Variants in RRP15 observed in about 807,000 individuals in gnomAD.
The protein encoded by RRP15 is RRP15-like protein.
Under a neutral mutation model 27.1 loss-of-function variants are expected in RRP15, and 18 were observed. That is an observed-to-expected ratio of 0.66 (90% confidence interval 0.46 to 0.98). RRP15 has a LOEUF of 0.98. RRP15 is among the 50% of genes least tolerant of loss of function. The pLI is 0.00. For missense variants in RRP15, 359 were observed against 337.8 expected (o/e 1.06, Z -0.49); for synonymous variants, 107 against 109.4 (o/e 0.98, Z 0.14).
intron 4 of RRP15, among the ~76,000 whole-genome samples, chr1:218,309,147 A>G (rs1655949310): frequency 6.6e-6 from 1 of 152,198 alleles, no homozygotes; most frequent in Non-Finnish European, 1.5e-5. Context: ...AGTCTGGGAC[A>G]AGGTCAAAAA....
intron 1 of RRP15, among the ~76,000 whole-genome samples, chr1:218,286,977 AG>A (rs1412197420): frequency 6.6e-6 from 1 of 152,098 alleles, no homozygotes; most frequent in Non-Finnish European, 1.5e-5. Flanking sequence ...TTTTTGAGAC[AG>A]GGTCTTGCTT....
chr1:218,295,033 A>G (rs76929225), intron 1 of RRP15, among the ~76,000 whole-genome samples: 5,025 of 152,266 alleles, frequency 0.033, 264 homozygotes, highest in African/African-American at 0.11. Flanking sequence ...GAACTACTCA[A>G]ATTTATTGAC....
chr1:218,334,940 C>T lies in RRP15; in HGVS notation c.*3849C>T, dbSNP rs1213844104. On this transcript the variant is annotated 3_prime_UTR_variant, in exon 5 of 5. Coordinates refer to ENST00000366932, the MANE Select transcript of RRP15 (RefSeq NM_016052.4). ...AGTCCTGGTAAATTTTTTCAGTGGG[C>T]GAGCTTTTCTGAAATTTGATTAAAC... 6 of 152,026 alleles carry T rather than the reference C, an allele frequency of 3.9e-5. No individual in the cohort carries two copies. Among genetic ancestry groups the T allele is most frequent in the Non-Finnish European group, 8.8e-5 (6 of 68,004 alleles). 9.4% of individuals were successfully genotyped at this position (152,026 alleles called of 1,614,324 possible). A position where few individuals can be genotyped will look rare whatever the true frequency, so the allele number is the denominator to read the frequency against.
intron 4 of RRP15, among the ~76,000 whole-genome samples, chr1:218,319,751 G>A (rs1347433167): frequency 6.6e-6 from 1 of 152,082 alleles, no homozygotes; most frequent in Non-Finnish European, 1.5e-5. Context: ...TTTTACATAT[G>A]TTTTCTTATG....
rs34150523 is a variant in RRP15, at chr1:218,331,651, C to CTTTTTTTTTTTT, written c.*588_*599dup. On this transcript the variant is annotated 3_prime_UTR_variant, in exon 5 of 5. Coordinates refer to ENST00000366932, the MANE Select transcript of RRP15 (RefSeq NM_016052.4). ...TGATTTAAGAAACAACAGATTTCAA[C>CTTTTTTTTTTTT]TTTTTTTTTTTTTTTTTTTTTTTTT... 3.4e-4 allele frequency: 12 copies of CTTTTTTTTTTTT among 35,648 alleles called. 4 individuals carry two copies. The highest frequency in any genetic ancestry group is 6.3e-4 in the Non-Finnish European group (11 of 17,534). 2.2% of individuals were successfully genotyped at this position (35,648 alleles called of 1,614,324 possible). A position where few individuals can be genotyped will look rare whatever the true frequency, so the allele number is the denominator to read the frequency against.
chr1:218,305,086 A>G lies in RRP15; in HGVS notation c.464A>G (p.Asp155Gly). 5 of 1,613,964 alleles carry G rather than the reference A, an allele frequency of 3.1e-6. No individual in the cohort carries two copies. Among genetic ancestry groups the G allele is most frequent in the Non-Finnish European group, 3.4e-6 (4 of 1,179,858 alleles). Residue 155 changes from aspartate to glycine, a missense_variant, in exon 3 of 5, where the codon GAC (aspartate) becomes GGC (glycine). Coordinates refer to ENST00000366932, the MANE Select transcript of RRP15 (RefSeq NM_016052.4). ...AGAGTAAAGCCAGATGTTGTCCAAG[A>G]CAAAGAGACAGAGAGAAATCTTCAG... The part of the protein sequence containing the change: ...MCRVKPDVVQ[D>G]KETERNLQRI...
intron 4 of RRP15, among the ~76,000 whole-genome samples, chr1:218,323,656 C>T (rs554277183): frequency 1.6e-4 from 24 of 152,290 alleles, no homozygotes; most frequent in African/African-American, 5.1e-4. Flanking sequence ...CTCATGGCGC[C>T]CAGACTGTTC....
chr1:218,301,508 A>G (rs1655810567), intron 1 of RRP15: 1 of 152,226 alleles, frequency 6.6e-6, no homozygotes, highest in Admixed American at 6.5e-5. Flanking sequence ...GTTTCTGCTA[A>G]TCTTCCTCAT....
chr1:218,302,610 C>G, intron 2 of RRP15, 51 bp downstream of exon 2: 1 of 1,569,452 alleles, frequency 6.4e-7, no homozygotes, highest in East Asian at 2.2e-5. Flanking sequence ...TAGGCTAGCT[C>G]TTATCTTGAC....
In RRP15 at chr1:218,333,256, T is replaced by G. The variant is rs573387972; in HGVS notation, c.*2165T>G. On this transcript the variant is annotated 3_prime_UTR_variant, in exon 5 of 5. Coordinates refer to ENST00000366932, the MANE Select transcript of RRP15 (RefSeq NM_016052.4). ...AAATTATATGACAATTTTTATCATATAGATTTGATATCTTCTATGTATTCG... is the reference window on the plus strand; with the variant it reads ...AAATTATATGACAATTTTTATCATAGAGATTTGATATCTTCTATGTATTCG... 1 of 152,228 alleles carries G rather than the reference T, an allele frequency of 6.6e-6. No individual in the cohort carries two copies. The allele number at this position is 152,228 out of a possible 1,614,324, so 9.4% of individuals were successfully genotyped here. A position where few individuals can be genotyped will look rare whatever the true frequency, so the allele number is the denominator to read the frequency against.
chr1:218,319,219 G>A (rs1656139885), intron 4 of RRP15, among the ~76,000 whole-genome samples: 1 of 151,628 alleles, frequency 6.6e-6, no homozygotes, highest in African/African-American at 2.4e-5. Context: ...CGCCCGCCAC[G>A]ACGCTTAGCT....
chr1:218,330,072 T>C (rs1048548731), intron 4 of RRP15, among the ~76,000 whole-genome samples: 6 of 152,144 alleles, frequency 3.9e-5, no homozygotes, highest in African/African-American at 1.4e-4. Context: ...TAAATAGATA[T>C]GCATAGACTG....
At position 218,302,490 on chromosome 1, in the gene RRP15, G is replaced by A. The variant is rs1269025058; in HGVS notation, c.336G>A (p.Leu112=). The change falls in exon 2 of 5, where the codon CTG becomes CTA. Residue 112 remains leucine (L), a synonymous_variant. Transcript: ENST00000366932. ...KKTPESKPTI[L]VKNKKLEKEK... is the part of the protein sequence containing the mutation. Reference sequence around the variant, plus strand: ...CTCCTGAAAGTAAACCTACTATTCTGGTCAAAAATAAGAAGCTGGAAAAGG... The same window carrying A: ...CTCCTGAAAGTAAACCTACTATTCTAGTCAAAAATAAGAAGCTGGAAAAGG... 6.2e-7 allele frequency: 1 copy of A among 1,613,850 alleles called. No homozygotes were observed. Among genetic ancestry groups the A allele is most frequent in the Non-Finnish European group, 8.5e-7 (1 of 1,179,964 alleles).
At chr1:218,305,371 A>T (rs977532750) in intron 3 of RRP15, among the ~76,000 whole-genome samples, 2 of 152,212 alleles carry the variant, frequency 1.3e-5, no homozygotes, top group African/African-American at 4.8e-5. Context: ...AGTCACGAGA[A>T]CTGTGTAATC....
intron 4 of RRP15, among the ~76,000 whole-genome samples, chr1:218,320,062 A>G (rs1047664819): frequency 1.4e-5 from 1 of 73,746 alleles, no homozygotes; most frequent in Non-Finnish European, 3.0e-5. Context: ...TTTTTCTTTT[A>G]TTTTATTATT....
intron 4 of RRP15, among the ~76,000 whole-genome samples, chr1:218,326,475 CTT>C (rs1656275442): frequency 6.6e-6 from 1 of 151,916 alleles, no homozygotes; most frequent in Non-Finnish European, 1.5e-5. Context: ...GCATTGTTCT[CTT>C]CTTTCTGATA....
At position 218,296,793 on chromosome 1, in the gene RRP15, T is replaced by C. The variant is rs530674207; in HGVS notation, c.140-5501T>C. Among the ~76,000 whole-genome samples the C allele has an allele frequency of 9.8e-5, 15 of 152,310 alleles. No individual in the cohort carries two copies. In the South Asian group the frequency reaches 3.1e-3, roughly 32 times the overall value. Reference sequence around the variant, plus strand: ...TTGGAAAGGTTGTAGCACAGAGACATTGGCCACTCTTGAAATAAGCAAAAG... The same window carrying C: ...TTGGAAAGGTTGTAGCACAGAGACACTGGCCACTCTTGAAATAAGCAAAAG... On this transcript the variant is annotated intron_variant, in intron 1 of 4. Coordinates refer to ENST00000366932, the MANE Select transcript of RRP15 (RefSeq NM_016052.4).
At chr1:218,298,825 A>G (rs1655762993) in intron 1 of RRP15, among the ~76,000 whole-genome samples, 1 of 152,200 alleles carries the variant, frequency 6.6e-6, no homozygotes, top group Non-Finnish European at 1.5e-5. Context: ...GAGCAGCTTT[A>G]ATAGAGAACA....
intron 1 of RRP15, chr1:218,301,184 T>A (rs1655804469): frequency 6.6e-6 from 1 of 152,210 alleles, no homozygotes; most frequent in Admixed American, 6.5e-5. Context: ...CACTGCTAAA[T>A]GGCAGCTGTT....
Sources: gnomAD v4.1 joint callset for allele counts (sites outside exome capture counted in the v4.1 genomes callset) on GRCh38, gnomAD v4.1.1 for gene constraint, MANE v1.5 for transcripts, NCBI Gene and HGNC (gene_info 2026-07-23, HGNC 2026-07-21) for gene names.